Variants in ERBB4 observed in about 807,000 individuals in gnomAD.
The protein encoded by ERBB4 is erb-b2 receptor tyrosine kinase 4, also known as receptor tyrosine-protein kinase erbB-4.
Under a neutral mutation model 158.0 loss-of-function variants are expected in ERBB4, and 42 were observed. The ratio of observed to expected loss-of-function variants is 0.27; its 90% CI spans 0.21 to 0.34. ERBB4 has a LOEUF of 0.34. Among genes scored for constraint, ERBB4 ranks in the 10% least tolerant of loss-of-function variants. The probability of loss-of-function intolerance (pLI) is 1.00; values close to 1 mark genes in which losing one functional copy is unlikely to be tolerated. For missense variants in ERBB4, 1,333 were observed against 1,624.1 expected, an observed-to-expected ratio of 0.82 and a Z score of 3.08; for synonymous variants, 583 against 558.7, an observed-to-expected ratio of 1.04 and a Z score of -0.61.
rs1693247422 is a variant in ERBB4, at chr2:212,538,608, TC to T, written c.-79del. Reference sequence around the variant, plus strand: ...CCCCCTTTCGGGCACGCGGAGGAGATCCCCCAGCCGGGCGCGCGTGGGGGTG... The same window carrying T: ...CCCCCTTTCGGGCACGCGGAGGAGATCCCCAGCCGGGCGCGCGTGGGGGTG... On this transcript the variant is annotated 5_prime_UTR_variant, in exon 1 of 28. Transcript: ENST00000342788. 10 of 1,457,752 alleles carry T rather than the reference TC, an allele frequency of 6.9e-6. 1 individual carries two copies. The South Asian group carries it at 9.1e-5, about 13-fold the overall frequency. 90.3% of individuals were successfully genotyped at this position (1,457,752 alleles called of 1,614,324 possible).
chr2:212,397,640 A>C (rs2091069713), intron 1 of ERBB4, among the ~76,000 whole-genome samples: 1 of 152,110 alleles, frequency 6.6e-6, no homozygotes. Flanking sequence ...CATGATTTTT[A>C]AATTCTGCCA....
intron 3 of ERBB4, among the ~76,000 whole-genome samples, chr2:211,860,280 T>C (rs1481271532): frequency 6.6e-6 from 1 of 152,200 alleles, no homozygotes; most frequent in Non-Finnish European, 1.5e-5. Context: ...GTTACTCCAA[T>C]TATTTTCTAA....
At chr2:212,247,624 C>A (rs1257520168) in intron 1 of ERBB4, among the ~76,000 whole-genome samples, 1 of 152,122 alleles carries the variant, frequency 6.6e-6, no homozygotes, top group Non-Finnish European at 1.5e-5. Flanking sequence ...AACCAAAAAA[C>A]TAGTTTGTTT....
chr2:211,940,608 T>C (rs1261292192), intron 3 of ERBB4, among the ~76,000 whole-genome samples: 14 of 152,142 alleles, frequency 9.2e-5, no homozygotes, highest in Admixed American at 9.2e-4. Flanking sequence ...TTAAATAGAA[T>C]GTTCTTCAAA....
At chr2:212,482,188 G>A (rs760280170) in intron 1 of ERBB4, among the ~76,000 whole-genome samples, 76 of 152,236 alleles carry the variant, frequency 5.0e-4, no homozygotes, top group Non-Finnish European at 2.4e-4. Flanking sequence ...GCAAATGATC[G>A]AATGCTGGCT....
chr2:212,187,038 G>A (rs986250006), intron 1 of ERBB4, among the ~76,000 whole-genome samples: 1 of 151,990 alleles, frequency 6.6e-6, no homozygotes, highest in African/African-American at 2.4e-5. Flanking sequence ...CTTAGACTAA[G>A]ATCAGATTTT....
intron 1 of ERBB4, among the ~76,000 whole-genome samples, chr2:212,503,909 G>GT (rs1691040060): frequency 6.6e-6 from 1 of 152,114 alleles, no homozygotes; most frequent in African/African-American, 2.4e-5. Context: ...TTAAACAAGT[G>GT]TAAGAGTAAG....
intron 1 of ERBB4, among the ~76,000 whole-genome samples, chr2:212,414,309 A>G (rs1009731095): frequency 2.6e-5 from 4 of 152,196 alleles, no homozygotes; most frequent in African/African-American, 7.2e-5. Context: ...AGGCTACAAA[A>G]TTTATGTTTT....
At chr2:211,821,015 C>T (rs1400903301) in intron 3 of ERBB4, among the ~76,000 whole-genome samples, 1 of 151,840 alleles carries the variant, frequency 6.6e-6, no homozygotes, top group African/African-American at 2.4e-5. Flanking sequence ...TATCACCACT[C>T]ATATTCAACA....
At chr2:211,819,344 A>C (rs1053856854) in intron 3 of ERBB4, among the ~76,000 whole-genome samples, 2 of 152,074 alleles carry the variant, frequency 1.3e-5, no homozygotes, top group African/African-American at 4.8e-5. Context: ...AAAATAAATT[A>C]TCACAAGAAA....
At chr2:212,248,803 A>T (rs1330096506) in intron 1 of ERBB4, among the ~76,000 whole-genome samples, 1 of 152,122 alleles carries the variant, frequency 6.6e-6, no homozygotes, top group Non-Finnish European at 1.5e-5. Flanking sequence ...GGAAAAAAAA[A>T]ACAGGTTTAT....
chr2:212,316,768 T>G lies in ERBB4; in HGVS notation c.83-191865A>C, dbSNP rs1574665114. 2.0e-5 allele frequency among the ~76,000 whole-genome samples: 3 copies of G among 151,616 alleles called. No homozygotes were observed. In the East Asian group the frequency reaches 5.9e-4, roughly 30 times the overall value. On this transcript the variant is annotated intron_variant, in intron 1 of 27. Coordinates refer to ENST00000342788, the MANE Select transcript of ERBB4 (RefSeq NM_005235.3). ...TTAAAAAACACTTGCTTGTGATGGT[T>G]GCAAAACTATGTGTATACACTAAAA...
chr2:211,897,029 C>T (rs2079114273), intron 3 of ERBB4, among the ~76,000 whole-genome samples: 1 of 150,184 alleles, frequency 6.7e-6, no homozygotes, highest in South Asian at 2.1e-4. Context: ...ATTACATGCC[C>T]TGTAATTATT....
intron 20 of ERBB4, among the ~76,000 whole-genome samples, chr2:211,484,379 A>T (rs1049684824): frequency 6.6e-6 from 1 of 152,224 alleles, no homozygotes; most frequent in Non-Finnish European, 1.5e-5. Flanking sequence ...AGTTACATCA[A>T]TGATCACATT....
chr2:211,429,196 T>G (rs1357403871), intron 21 of ERBB4, among the ~76,000 whole-genome samples: 2 of 152,096 alleles, frequency 1.3e-5, no homozygotes, highest in Non-Finnish European at 2.9e-5. Flanking sequence ...TAGTTTTTTC[T>G]CAAAAAATGA....
chr2:212,159,036 T>C (rs2081124714), intron 1 of ERBB4, among the ~76,000 whole-genome samples: 1 of 152,014 alleles, frequency 6.6e-6, no homozygotes. Context: ...ATGTGGTCGA[T>C]ATGTTGTTTT....
rs187802175 is a variant in ERBB4 at position 212,121,770 on chromosome 2, G to A, written c.234+2982C>T. 1.0e-3 allele frequency among the ~76,000 whole-genome samples: 158 copies of A among 152,148 alleles called. 1 individual carries two copies. The highest frequency in any genetic ancestry group is 9.7e-4 in the East Asian group (5 of 5,160). On this transcript the variant is annotated intron_variant, in intron 2 of 27. Transcript: ENST00000342788. ...ATGTATATTCCTAGTGTCTAAAACA[G>A]TACACACTAAGTACACATTTATTAA...
intron 19 of ERBB4, among the ~76,000 whole-genome samples, chr2:211,587,458 G>A (rs946181927): frequency 9.2e-5 from 14 of 152,154 alleles, no homozygotes; most frequent in Non-Finnish European, 1.6e-4. Flanking sequence ...GAAGCATAGG[G>A]AGAATGGCAC....
At chr2:212,446,659 A>G (rs868542513) in intron 1 of ERBB4, among the ~76,000 whole-genome samples, 2 of 111,406 alleles carry the variant, frequency 1.8e-5, no homozygotes, top group Non-Finnish European at 3.8e-5. Context: ...CTGTCCCTCT[A>G]GAGAACCCTG....
Sources: allele counts gnomAD v4.1 joint callset (sites outside exome capture counted in the v4.1 genomes callset), GRCh38; gene constraint gnomAD v4.1.1; transcripts MANE v1.5; gene names NCBI Gene and HGNC (gene_info 2026-07-23, HGNC 2026-07-21).